Variants in ANKRD12 observed in about 807,000 individuals in gnomAD.
The protein encoded by ANKRD12 is ankyrin repeat domain 12, also known as ankyrin repeat domain-containing protein 12.
ANKRD12 carries 85 observed loss-of-function variants against 183.4 expected under a neutral mutation model. The observed-to-expected ratio is 0.46, with a 90% confidence interval of 0.39 to 0.56. ANKRD12 has a LOEUF of 0.56. Among genes scored for constraint, ANKRD12 ranks in the 20% least tolerant of loss-of-function variants. The pLI is 0.00. For synonymous variants in ANKRD12, 914 were observed against 800.2 expected (o/e 1.14, Z -2.40); for missense variants, 2,405 against 2,357.1 (o/e 1.02, Z -0.42).
intron 1 of ANKRD12, among the ~76,000 whole-genome samples, chr18:9,151,070 ATTACTT>A (rs1222998137): frequency 6.6e-6 from 1 of 152,208 alleles, no homozygotes; most frequent in Non-Finnish European, 1.5e-5. Flanking sequence ...AAAATTAACT[ATTACTT>A]TAGGAAAATA....
In ANKRD12 at chr18:9,257,825, G is replaced by A. The variant is rs760671933; in HGVS notation, c.4558G>A (p.Gly1520Ser). ...SLSYVANQEP[G>S]ILQQKNAVQI... The stretch of plus-strand genomic sequence containing the variant: ...GTCATATGTTGCTAATCAAGAGCCA[G>A]GTATTTTACAACAAAAAAATGCAGT... The change falls in exon 9 of 13, where the codon GGT becomes AGT. Residue 1520 changes from glycine (G) to serine (S), a missense_variant. Gly to Ser is a moderately conservative substitution (Grantham distance 56, BLOSUM62 0). Around this residue, in one of 7 missense-constraint regions of ANKRD12, gnomAD observed 1,983 missense variants for 1,725.9 expected, o/e 1.15. Transcript: ENST00000262126. 3 of 1,613,598 alleles carry A rather than the reference G, an allele frequency of 1.9e-6. No individual in the cohort carries two copies. Among genetic ancestry groups the A allele is most frequent in the Non-Finnish European group, 1.7e-6 (2 of 1,179,896 alleles).
intron 7 of ANKRD12, among the ~76,000 whole-genome samples, chr18:9,218,116 G>A (rs114536793): frequency 2.0e-3 from 308 of 152,284 alleles, no homozygotes; most frequent in African/African-American, 7.1e-3. Context: ...TGATAATAAA[G>A]GTTTCCCGAT....
intron 1 of ANKRD12, among the ~76,000 whole-genome samples, chr18:9,149,273 T>C (rs931767851): frequency 6.6e-6 from 1 of 152,252 alleles, no homozygotes. Context: ...TAATAAATGC[T>C]AAGTGATAGA....
chr18:9,249,847 A>C (rs1251902845), intron 8 of ANKRD12: 2 of 152,232 alleles, frequency 1.3e-5, no homozygotes, highest in East Asian at 3.8e-4. Flanking sequence ...GAACCCATAT[A>C]AATATGCATG....
chr18:9,152,894 A>T (rs1403479419), intron 1 of ANKRD12, among the ~76,000 whole-genome samples: 1 of 152,050 alleles, frequency 6.6e-6, no homozygotes, highest in East Asian at 1.9e-4. Flanking sequence ...TGATAGGGGT[A>T]TTCTTTTACA....
chr18:9,224,969 G>A (rs1026514788), intron 8 of ANKRD12, among the ~76,000 whole-genome samples: 1 of 152,112 alleles, frequency 6.6e-6, no homozygotes, highest in South Asian at 2.1e-4. Context: ...GGGCATGGTG[G>A]CATGTGCCTG....
At chr18:9,158,529 G>C (rs1008603608) in intron 1 of ANKRD12, among the ~76,000 whole-genome samples, 3 of 152,066 alleles carry the variant, frequency 2.0e-5, no homozygotes, top group Admixed American at 6.6e-5. Context: ...ATTAGGCTGG[G>C]GTTATGGCTT....
chr18:9,209,628 G>T (rs999196033), intron 5 of ANKRD12, among the ~76,000 whole-genome samples: 1 of 152,038 alleles, frequency 6.6e-6, no homozygotes, highest in African/African-American at 2.4e-5. Flanking sequence ...AAATGTTTTA[G>T]GGCTTCCTGC....
At chr18:9,229,057 TGAAGATG>T (rs1418476608) in intron 8 of ANKRD12, among the ~76,000 whole-genome samples, 1 of 152,210 alleles carries the variant, frequency 6.6e-6, no homozygotes, top group African/African-American at 2.4e-5. Context: ...CACCATTTAT[TGAAGATG>T]GTATTCGTCC....
chr18:9,162,128 C>T (rs2031505027), intron 1 of ANKRD12, among the ~76,000 whole-genome samples: 1 of 152,030 alleles, frequency 6.6e-6, no homozygotes, highest in Non-Finnish European at 1.5e-5. Flanking sequence ...CTGCACAGAT[C>T]AACCCATCAC....
chr18:9,238,521 T>C (rs886567118), intron 8 of ANKRD12, among the ~76,000 whole-genome samples: 4 of 152,244 alleles, frequency 2.6e-5, no homozygotes, highest in African/African-American at 9.6e-5. Context: ...ATCATTCATC[T>C]GCACATATAA....
rs1049462870 is a variant in ANKRD12, at chr18:9,284,459, C to A, written c.*3333C>A. ...AAATTTTATATAGAAGAAATTGACT[C>A]TGTAAAACGCAATGAAATAGTCCTC... On this transcript the variant is annotated 3_prime_UTR_variant, in exon 13 of 13. Coordinates refer to ENST00000262126, the MANE Select transcript of ANKRD12 (RefSeq NM_015208.5). 1.1e-4 allele frequency: 17 copies of A among 152,130 alleles called. No homozygotes were observed. Among genetic ancestry groups the A allele is most frequent in the African/African-American group, 4.1e-4 (17 of 41,432 alleles). 9.4% of individuals were successfully genotyped at this position (152,130 alleles called of 1,614,324 possible). A position where few individuals can be genotyped will look rare whatever the true frequency, so the allele number is the denominator to read the frequency against.
rs140803645 is a variant in ANKRD12, at chr18:9,232,719, A to G, written c.943+10720A>G. On this transcript the variant is annotated intron_variant, in intron 8 of 12. Coordinates refer to ENST00000262126, the MANE Select transcript of ANKRD12 (RefSeq NM_015208.5). ...TAGGTTTTTCATCCCTTTTGTTCTCATCTCACCTTTGGGGATACCAGTAAT... is the reference window on the plus strand; with the variant it reads ...TAGGTTTTTCATCCCTTTTGTTCTCGTCTCACCTTTGGGGATACCAGTAAT... Among the ~76,000 whole-genome samples the G allele has an allele frequency of 4.9e-3, 745 of 151,938 alleles. 3 individuals are homozygous for G. The highest frequency in any genetic ancestry group is 0.031 in the South Asian group (148 of 4,814).
At chr18:9,157,605 T>TG (rs1330885636) in intron 1 of ANKRD12, among the ~76,000 whole-genome samples, 4 of 21,504 alleles carry the variant, frequency 1.9e-4, no homozygotes, top group South Asian at 4.6e-3. Flanking sequence ...ATATATGTAT[T>TG]TTTTTTTTTT....
intron 10 of ANKRD12, among the ~76,000 whole-genome samples, chr18:9,270,022 T>A (rs1691156126): frequency 1.3e-5 from 2 of 152,198 alleles, no homozygotes; most frequent in South Asian, 4.1e-4. Flanking sequence ...ATGCTCATCA[T>A]CACTGGCCAT....
chr18:9,186,844 T>G (rs577075276), intron 2 of ANKRD12, among the ~76,000 whole-genome samples: 1 of 150,000 alleles, frequency 6.7e-6, no homozygotes, highest in African/African-American at 2.5e-5. Context: ...CTCCACCTCC[T>G]GGGTTCACGC....
In ANKRD12 at chr18:9,271,506, G is replaced by A. The variant is rs565682209; in HGVS notation, c.5764-4018G>A. On this transcript the variant is annotated intron_variant, in intron 10 of 12. Transcript: ENST00000262126. ...TGTACTCCAGCCTGGGGGACAGAGC[G>A]TGAGACTCCGTCTCAAAAAAAAAAA... is the stretch of plus-strand genomic sequence containing the variant. Among the ~76,000 whole-genome samples the A allele has an allele frequency of 7.1e-4, 108 of 151,948 alleles. 1 individual carries two copies. Among genetic ancestry groups the A allele is most frequent in the Non-Finnish European group, 1.1e-3 (76 of 68,008 alleles).
At chr18:9,138,503 A>C (rs961721602) in intron 1 of ANKRD12, among the ~76,000 whole-genome samples, 4 of 152,216 alleles carry the variant, frequency 2.6e-5, no homozygotes, top group African/African-American at 9.7e-5. Context: ...ACAAGAGCGA[A>C]ACTCCGTCGC....
intron 6 of ANKRD12, 107 bp downstream of exon 6, chr18:9,211,891 T>A: frequency 2.0e-6 from 2 of 982,558 alleles, no homozygotes; most frequent in Non-Finnish European, 3.0e-6. Flanking sequence ...ATGAAAGAGT[T>A]CTAAAAATAC....
Sources: gnomAD v4.1 joint callset for allele counts (sites outside exome capture counted in the v4.1 genomes callset) on GRCh38, gnomAD v4.1.1 for gene constraint, gnomAD v4.1.1 regional missense constraint, MANE v1.5 for transcripts, NCBI Gene and HGNC (gene_info 2026-07-23, HGNC 2026-07-21) for gene names.